The following PZP variants were observed in gnomAD, a reference collection of about 807,000 sequenced individuals.
PZP encodes pregnancy zone protein.
In PZP, 150 loss-of-function variants were observed where a neutral mutation model predicts 179.8. The ratio of observed to expected loss-of-function variants is 0.83; its 90% CI spans 0.73 to 0.96. PZP has a LOEUF of 0.96. Ranked by LOEUF, PZP falls within the 40% of genes least tolerant of loss-of-function variation. PZP has a pLI of 0.00. For missense variants in PZP, 1,689 were observed against 1,764.0 expected, an observed-to-expected ratio of 0.96 and a Z score of 0.76; for synonymous variants, 624 against 652.3, an observed-to-expected ratio of 0.96 and a Z score of 0.66.
chr12:9,186,518 T>C (rs1267959911), intron 13 of PZP, among the ~76,000 whole-genome samples: 4 of 152,084 alleles, frequency 2.6e-5, no homozygotes, highest in Admixed American at 1.3e-4. Flanking sequence ...CCATCTCACA[T>C]GCAATGACAC....
rs760080692 is a variant in PZP, at chr12:9,158,548, C to T, written c.3166G>A (p.Ala1056Thr). 115 of 1,613,800 alleles carry T rather than the reference C, an allele frequency of 7.1e-5. No homozygotes were observed. The highest frequency in any genetic ancestry group is 1.3e-4 in the African/African-American group (10 of 74,850). ...ATGAAGATGTAGGATCGAGCCTGGG[C>T]GAAAGTCTTCAGTACAAAAGCTGTG... ...WLTAFVLKTF[A>T]QARSYIFIDE... The change falls in exon 26 of 36, where the codon GCC becomes ACC. Residue 1056 changes from alanine to threonine, a missense_variant. By Grantham distance (58) the Ala-to-Thr change is moderately conservative. This residue lies in a region of PZP where 746 missense variants were observed against 749.2 expected (regional missense o/e 1.00). Coordinates refer to ENST00000261336, the MANE Select transcript of PZP (RefSeq NM_002864.3).
In PZP at chr12:9,159,993, C is replaced by A. The variant is rs775967434; in HGVS notation, c.3082G>T (p.Asp1028Tyr). The change falls in exon 25 of 36, where the codon GAT (aspartate) becomes TAT (tyrosine). Residue 1028 changes from aspartate to tyrosine, a missense_variant. By Grantham distance (160) the Asp-to-Tyr change is radical. Around this residue, in one of 3 missense-constraint regions of PZP, gnomAD observed 746 missense variants for 749.2 expected, o/e 1.00. Coordinates refer to ENST00000261336, the MANE Select transcript of PZP (RefSeq NM_002864.3). ...TCCCCAAAGGTGCTGTAGGAGCCAT[C>A]TTGGTGTTTGTAGTTCAGCTGTCTC... is the stretch of plus-strand genomic sequence containing the variant. ...YQRQLNYKHQ[D>Y]GSYSTFGERY... 1.9e-6 allele frequency: 3 copies of A among 1,613,906 alleles called. No homozygotes were observed. Among genetic ancestry groups the A allele is most frequent in the Non-Finnish European group, 2.5e-6 (3 of 1,179,918 alleles).
intron 14 of PZP, among the ~76,000 whole-genome samples, chr12:9,181,462 T>A (rs776216865): frequency 6.6e-6 from 1 of 152,248 alleles, no homozygotes; most frequent in South Asian, 2.1e-4. Flanking sequence ...TTAGACAGGA[T>A]CCAAATTATC....
At position 9,192,237 on chromosome 12, in the gene PZP, A is replaced by G. The variant is rs377324245; in HGVS notation, c.1502T>C (p.Ile501Thr). 7.2e-5 allele frequency: 117 copies of G among 1,613,956 alleles called. No individual in the cohort carries two copies. The highest frequency in any genetic ancestry group is 9.3e-5 in the Non-Finnish European group (110 of 1,179,948). ...FHYLIMAKGV[I>T]VRSGTHTLPV... is the part of the protein sequence containing the mutation. ...CAGAGTGTGGGTTCCAGATCTGACG[A>G]TGACTCCCTTAGCCATGATCTGAAA... The change falls in exon 13 of 36, where the codon ATC (isoleucine) becomes ACC (threonine). Residue 501 changes from isoleucine to threonine, a missense_variant. Physicochemically the swap from Ile to Thr is moderately conservative, Grantham distance 89. Around this residue, in one of 3 missense-constraint regions of PZP, gnomAD observed 742 missense variants for 730.5 expected, o/e 1.02. Coordinates refer to ENST00000261336, the MANE Select transcript of PZP (RefSeq NM_002864.3).
chr12:9,172,812 C>A (rs1480286255), intron 15 of PZP, among the ~76,000 whole-genome samples: 1 of 152,128 alleles, frequency 6.6e-6, no homozygotes, highest in African/African-American at 2.4e-5. Flanking sequence ...TACAGAAGCA[C>A]CCAGATTCAT....
intron 13 of PZP, among the ~76,000 whole-genome samples, chr12:9,187,109 T>C (rs897242331): frequency 1.4e-5 from 2 of 138,282 alleles, no homozygotes; most frequent in Admixed American, 7.1e-5. Flanking sequence ...GAGAATTGCA[T>C]AATGGTAAAG....
chr12:9,194,720 T>C (rs918781627), intron 10 of PZP, among the ~76,000 whole-genome samples: 2 of 152,134 alleles, frequency 1.3e-5, no homozygotes, highest in African/African-American at 4.8e-5. Flanking sequence ...CGCCTCGGCC[T>C]CCGAAAGTGC....
intron 13 of PZP, among the ~76,000 whole-genome samples, chr12:9,188,275 A>G (rs1943248836): frequency 6.6e-6 from 1 of 152,294 alleles, no homozygotes; most frequent in Admixed American, 6.5e-5. Context: ...TGACAAAAAT[A>G]CGATTATCTT....
rs182109421 is a variant in PZP at position 9,169,485 on chromosome 12, C to T, written c.1946G>A (p.Gly649Glu). Reference protein sequence around the residue: ...HCPRPFFIHNGAIYVPLSSNE... With the variant: ...HCPRPFFIHNEAIYVPLSSNE... ...ACTTGATAAGGGAACATAGATGGCT[C>T]CATTATGAATGAAGAAAGGACGGGG... Residue 649 changes from glycine (G) to glutamate (E), a missense_variant, in exon 16 of 36, where the codon GGA becomes GAA. Around this residue, in one of 3 missense-constraint regions of PZP, gnomAD observed 201 missense variants for 284.2 expected, o/e 0.71. Coordinates refer to ENST00000261336, the MANE Select transcript of PZP (RefSeq NM_002864.3). The T allele has an allele frequency of 8.1e-5, 131 of 1,612,478 alleles. No homozygotes were observed. In the East Asian group the frequency reaches 2.6e-3, roughly 32 times the overall value.
At chr12:9,184,162 A>G (rs1942952821) in intron 13 of PZP, among the ~76,000 whole-genome samples, 1 of 152,174 alleles carries the variant, frequency 6.6e-6, no homozygotes, top group Non-Finnish European at 1.5e-5. Context: ...CTGCCTTGCC[A>G]CTGCTGGCAG....
intron 15 of PZP, among the ~76,000 whole-genome samples, chr12:9,176,993 C>T (rs941907204): frequency 3.3e-5 from 5 of 152,108 alleles, no homozygotes; most frequent in African/African-American, 1.2e-4. Flanking sequence ...GAGAGAGGAT[C>T]GAGTATATTT....
chr12:9,189,071 C>T lies in PZP; in HGVS notation c.1546+3122G>A, dbSNP rs1452471159. ...CAATATCATGAAAATGGTCATATTG[C>T]CCAAAGCAATTTATAGATTTAATGT... On this transcript the variant is annotated intron_variant, in intron 13 of 35. Transcript: ENST00000261336. Among the ~76,000 whole-genome samples, 3 of 152,090 alleles carry T rather than the reference C, an allele frequency of 2.0e-5. No individual in the cohort carries two copies. In the East Asian group the frequency reaches 5.8e-4, roughly 29 times the overall value.
At chr12:9,189,761 C>A (rs1455210136) in intron 13 of PZP, among the ~76,000 whole-genome samples, 1 of 152,134 alleles carries the variant, frequency 6.6e-6, no homozygotes, top group Non-Finnish European at 1.5e-5. Flanking sequence ...GGTCTAATAT[C>A]TAGCATCTGT....
At chr12:9,203,698 A>T (rs905002258) in intron 2 of PZP, 70 bp downstream of exon 2, 2 of 1,556,288 alleles carry the variant, frequency 1.3e-6, no homozygotes, top group African/African-American at 1.4e-5. Flanking sequence ...CCAGAGCTCC[A>T]TCACCATGAC....
chr12:9,196,332 G>A lies in PZP; in HGVS notation c.1090C>T (p.Gln364Ter), dbSNP rs780938276. Reference sequence around the variant, plus strand: ...CTGTGCATTACAACATATCTTACCTGTGCAAAAAAGGGGATTCCTTGTCTA... The same window carrying A: ...CTGTGCATTACAACATATCTTACCTATGCAAAAAAGGGGATTCCTTGTCTA... ...HFRQGIPFFA[Q>*]VLLVDGKGVP... Residue 364 changes from glutamine to a stop codon, truncating the protein, a stop_gained and splice_region_variant, in exon 10 of 36, where the codon CAG becomes TAG. Coordinates refer to ENST00000261336, the MANE Select transcript of PZP (RefSeq NM_002864.3). LOFTEE classifies it high-confidence loss of function. 6.2e-7 allele frequency: 1 copy of A among 1,600,620 alleles called. No individual in the cohort carries two copies. Among genetic ancestry groups the A allele is most frequent in the East Asian group, 2.2e-5 (1 of 44,786 alleles).
At chr12:9,180,075 C>T (rs949322165) in intron 15 of PZP, among the ~76,000 whole-genome samples, 5 of 152,282 alleles carry the variant, frequency 3.3e-5, no homozygotes, top group African/African-American at 1.2e-4. Context: ...ATCAAGTACT[C>T]GGCAAGTGGT....
intron 1 of PZP, among the ~76,000 whole-genome samples, chr12:9,207,377 G>C (rs184176439): frequency 2.6e-4 from 39 of 152,342 alleles, no homozygotes; most frequent in African/African-American, 8.4e-4. Flanking sequence ...TGGAAGAAAT[G>C]TAAAGGCAGC....
At chr12:9,190,831 G>A (rs1943418065) in intron 13 of PZP, among the ~76,000 whole-genome samples, 1 of 152,134 alleles carries the variant, frequency 6.6e-6, no homozygotes, top group African/African-American at 2.4e-5. Context: ...TGTGAAAAGA[G>A]AACAATATGA....
chr12:9,170,481 A>C lies in PZP; in HGVS notation c.1840-890T>G, dbSNP rs990611245. ...GAAGGGGGCTAAATTCAGAGAGCCA[A>C]AGAGCATCATCCTGTGGACCCCACT... On this transcript the variant is annotated intron_variant, in intron 15 of 35. Coordinates refer to ENST00000261336, the MANE Select transcript of PZP (RefSeq NM_002864.3). This position sits in a 1 kb window ranked among gnomAD's most constrained non-coding sequence, Gnocchi z 4.6. Among the ~76,000 whole-genome samples the C allele has an allele frequency of 3.3e-5, 5 of 152,204 alleles. No individual in the cohort carries two copies. The highest frequency in any genetic ancestry group is 7.3e-5 in the Non-Finnish European group (5 of 68,040).
Sources: allele counts gnomAD v4.1 joint callset (sites outside exome capture counted in the v4.1 genomes callset), GRCh38; gene constraint gnomAD v4.1.1; regional missense constraint gnomAD v4.1.1; non-coding constraint Gnocchi (gnomAD v3.1); transcripts MANE v1.5; gene names NCBI Gene and HGNC (gene_info 2026-07-23, HGNC 2026-07-21).